Variants in GALNT1 observed in about 807,000 individuals in gnomAD.
GALNT1 encodes the protein GalNAc transferase 1.
GALNT1 carries 17 observed loss-of-function variants against 65.7 expected under a neutral mutation model. The observed-to-expected ratio is 0.26, with a 90% CI of 0.18 to 0.39. GALNT1 has a LOEUF of 0.39. Among genes scored for constraint, GALNT1 ranks in the 10% least tolerant of loss-of-function variants. The pLI is 1.00. For missense variants in GALNT1, 460 were observed against 672.8 expected (o/e 0.68, Z 3.50); for synonymous variants, 210 against 219.7 (o/e 0.96, Z 0.39).
chr18:35,615,492 A>G (rs1229233284), intron 1 of GALNT1, among the ~76,000 whole-genome samples: 3 of 152,234 alleles, frequency 2.0e-5, no homozygotes, highest in Non-Finnish European at 4.4e-5. Context: ...ATTAGAGAGT[A>G]TTTTAGACCT....
chr18:35,646,511 G>T (rs568290380), intron 1 of GALNT1, among the ~76,000 whole-genome samples: 1 of 152,172 alleles, frequency 6.6e-6, no homozygotes, highest in Non-Finnish European at 1.5e-5. Context: ...TTGTAAGCAG[G>T]AGGCTTCAGT....
At chr18:35,624,876 A>C (rs1186006798) in intron 1 of GALNT1, among the ~76,000 whole-genome samples, 1 of 152,154 alleles carries the variant, frequency 6.6e-6, no homozygotes, top group East Asian at 1.9e-4. Flanking sequence ...TTATTTACTA[A>C]ATAATTATTG....
At chr18:35,666,412 A>G (rs530641704) in intron 3 of GALNT1, among the ~76,000 whole-genome samples, 21 of 152,326 alleles carry the variant, frequency 1.4e-4, no homozygotes, top group African/African-American at 4.8e-4. Flanking sequence ...TGCTTTCCTG[A>G]AAATTTAAAC....
chr18:35,699,301 A>G (rs2048116235), intron 9 of GALNT1, among the ~76,000 whole-genome samples: 1 of 152,248 alleles, frequency 6.6e-6, no homozygotes, highest in Non-Finnish European at 1.5e-5. Context: ...ATTGATATTC[A>G]GGAGTATCTA....
At chr18:35,618,252 T>C (rs2046809746) in intron 1 of GALNT1, among the ~76,000 whole-genome samples, 1 of 152,158 alleles carries the variant, frequency 6.6e-6, no homozygotes, top group African/African-American at 2.4e-5. Context: ...AAAATAATCT[T>C]GTATTCATTA....
chr18:35,642,413 G>C (rs1362787101), intron 1 of GALNT1, among the ~76,000 whole-genome samples: 1 of 152,154 alleles, frequency 6.6e-6, no homozygotes, highest in Non-Finnish European at 1.5e-5. Flanking sequence ...ATAAGGCATT[G>C]TTAAAGATAC....
At chr18:35,646,493 A>G (rs1161304495) in intron 1 of GALNT1, among the ~76,000 whole-genome samples, 1 of 152,184 alleles carries the variant, frequency 6.6e-6, no homozygotes, top group African/African-American at 2.4e-5. Context: ...CTGGCAGCAT[A>G]ATGTTGGTTG....
At chr18:35,655,620 T>C (rs1343623571) in intron 2 of GALNT1, among the ~76,000 whole-genome samples, 1 of 151,964 alleles carries the variant, frequency 6.6e-6, no homozygotes, top group Non-Finnish European at 1.5e-5. Context: ...ATACAGCAGT[T>C]CTACTATTTT....
chr18:35,636,437 A>G (rs2047089593), intron 1 of GALNT1, among the ~76,000 whole-genome samples: 1 of 152,048 alleles, frequency 6.6e-6, no homozygotes. Flanking sequence ...AAACAACTGT[A>G]GAAAAAACTT....
chr18:35,586,487 G>A, intron 1 of GALNT1, among the ~76,000 whole-genome samples: 1 of 152,066 alleles, frequency 6.6e-6, no homozygotes, highest in East Asian at 1.9e-4. Flanking sequence ...TTGGTGTCAA[G>A]TCTGGGAACT....
chr18:35,665,846 T>A (rs1421655914), intron 3 of GALNT1, among the ~76,000 whole-genome samples: 1 of 152,182 alleles, frequency 6.6e-6, no homozygotes, highest in African/African-American at 2.4e-5. Context: ...AGGAAGTTAC[T>A]AGAGATAGGA....
chr18:35,586,112 C>A lies in GALNT1; in HGVS notation c.-104+4250C>A, dbSNP rs188751992. ...GTGCCGGGATTACAGGCATGAGGCA[C>A]CACGCCTGGCCTGTCACCATTTAGC... is the stretch of plus-strand genomic sequence containing the variant. On this transcript the variant is annotated intron_variant, in intron 1 of 11. Coordinates refer to ENST00000269195, the MANE Select transcript of GALNT1 (RefSeq NM_020474.4). Among the ~76,000 whole-genome samples, 32 of 152,286 alleles carry A rather than the reference C, an allele frequency of 2.1e-4. No individual in the cohort carries two copies. In the East Asian group the frequency reaches 6.0e-3, roughly 28 times the overall value.
Position 35,691,325 on chromosome 18 carries a change from T to G in GALNT1, c.1159+133T>G, listed in dbSNP as rs1262349134. On this transcript the variant is annotated intron_variant, in intron 8 of 11. Coordinates refer to ENST00000269195, the MANE Select transcript of GALNT1 (RefSeq NM_020474.4). ...TGCCTCATAAGGTCATTGTAAGGAA[T>G]GAATGAAATCACACACAGTATAGAA... 9.2e-6 allele frequency: 6 copies of G among 653,134 alleles called. No homozygotes were observed. In the East Asian group the frequency reaches 1.4e-4, roughly 15 times the overall value. 40.5% of individuals were successfully genotyped at this position (653,134 alleles called of 1,614,324 possible). A position where few individuals can be genotyped will look rare whatever the true frequency, so the allele number is the denominator to read the frequency against.
intron 4 of GALNT1, among the ~76,000 whole-genome samples, chr18:35,678,913 T>C (rs933917699): frequency 1.3e-5 from 2 of 152,254 alleles, no homozygotes; most frequent in South Asian, 2.1e-4. Context: ...TTAAATCTTA[T>C]TGCTTTGCCA....
At chr18:35,670,641 G>A (rs2144520844) in intron 3 of GALNT1, among the ~76,000 whole-genome samples, 1 of 152,308 alleles carries the variant, frequency 6.6e-6, no homozygotes, top group South Asian at 2.1e-4. Context: ...TTGACAAGTT[G>A]ATTCTCAAAT....
intron 1 of GALNT1, among the ~76,000 whole-genome samples, chr18:35,617,052 G>A (rs2046791895): frequency 6.6e-6 from 1 of 152,034 alleles, no homozygotes; most frequent in South Asian, 2.1e-4. Flanking sequence ...CATTTGAGCA[G>A]CAGTGACGGG....
At chr18:35,642,895 C>A (rs985425473) in intron 1 of GALNT1, among the ~76,000 whole-genome samples, 6 of 152,002 alleles carry the variant, frequency 3.9e-5, no homozygotes, top group African/African-American at 1.4e-4. Context: ...GGGTGCTCTG[C>A]CACTCATCTG....
At chr18:35,697,145 C>CTTT (rs2048071737) in intron 9 of GALNT1, among the ~76,000 whole-genome samples, 1 of 152,114 alleles carries the variant, frequency 6.6e-6, no homozygotes, top group African/African-American at 2.4e-5. Context: ...GGAAAGAAAA[C>CTTT]CAACGGTTAC....
At position 35,646,431 on chromosome 18, in the gene GALNT1, G is replaced by A. The variant is rs922986861; in HGVS notation, c.-103-8129G>A. ...ACTCAAGATGTCAGCTGGAGCTGCC[G>A]TCATCTGAAGGCTTGCCTGGGGCTG... is the stretch of plus-strand genomic sequence containing the variant. On this transcript the variant is annotated intron_variant, in intron 1 of 11. Transcript: ENST00000269195. Among the ~76,000 whole-genome samples the A allele has an allele frequency of 6.6e-5, 10 of 152,182 alleles. No homozygotes were observed. The East Asian group carries it at 7.7e-4, about 12-fold the overall frequency.
Sources: allele counts gnomAD v4.1 joint callset (sites outside exome capture counted in the v4.1 genomes callset), GRCh38; gene constraint gnomAD v4.1.1; transcripts MANE v1.5; gene names NCBI Gene and HGNC (gene_info 2026-07-23, HGNC 2026-07-21).